ADGRB3: variants seen among roughly 807,000 people sequenced by gnomAD.
ADGRB3 encodes adhesion G protein-coupled receptor B3, also known as brain-specific angiogenesis inhibitor 3.
ADGRB3 carries 37 observed loss-of-function variants against 193.4 expected under a neutral mutation model. The ratio of observed to expected loss-of-function variants is 0.19; its 90% CI spans 0.15 to 0.25. The LOEUF (loss-of-function observed/expected upper bound fraction) is 0.25. ADGRB3 is among the 10% of genes least tolerant of loss of function. The pLI is 1.00. For synonymous variants in ADGRB3, 690 were observed against 644.2 expected, an observed-to-expected ratio of 1.07 and a Z score of -1.08; for missense variants, 1,637 against 1,852.9, an observed-to-expected ratio of 0.88 and a Z score of 2.14.
At chr6:69,296,845 A>G (rs1561980207) in intron 20 of ADGRB3, among the ~76,000 whole-genome samples, 1 of 152,122 alleles carries the variant, frequency 6.6e-6, no homozygotes, top group Non-Finnish European at 1.5e-5. Context: ...ATCTCATGAC[A>G]TATCTCATTC....
At chr6:69,139,242 A>C in intron 17 of ADGRB3, among the ~76,000 whole-genome samples, 1 of 152,170 alleles carries the variant, frequency 6.6e-6, no homozygotes, top group Admixed American at 6.5e-5. Flanking sequence ...CCTGCTTTCA[A>C]TGTTCATCTA....
At chr6:69,036,125 A>G (rs1770864408) in intron 13 of ADGRB3, among the ~76,000 whole-genome samples, 1 of 152,160 alleles carries the variant, frequency 6.6e-6, no homozygotes, top group Non-Finnish European at 1.5e-5. Context: ...CTACATTGTA[A>G]TCTCTTTAAA....
At chr6:68,655,742 A>G (rs1243293842) in intron 3 of ADGRB3, among the ~76,000 whole-genome samples, 1 of 151,624 alleles carries the variant, frequency 6.6e-6, no homozygotes, top group Non-Finnish European at 1.5e-5. Flanking sequence ...AAAATGGACT[A>G]ATCAGTTTTA....
At chr6:68,787,137 C>A (rs1766992192) in intron 3 of ADGRB3, among the ~76,000 whole-genome samples, 1 of 152,098 alleles carries the variant, frequency 6.6e-6, no homozygotes, top group Non-Finnish European at 1.5e-5. Flanking sequence ...TAATTGAATA[C>A]CCTTTATTTC....
At chr6:68,640,982 C>T (rs1365485201) in intron 3 of ADGRB3, among the ~76,000 whole-genome samples, 1 of 152,072 alleles carries the variant, frequency 6.6e-6, no homozygotes, top group Non-Finnish European at 1.5e-5. Flanking sequence ...AGTAAAAAAT[C>T]CCAGAGAAGC....
At chr6:69,085,199 A>G (rs549244487) in intron 17 of ADGRB3, among the ~76,000 whole-genome samples, 1 of 152,150 alleles carries the variant, frequency 6.6e-6, no homozygotes, top group African/African-American at 2.4e-5. Flanking sequence ...ATTTCTCCTT[A>G]TTCTCAGAAA....
intron 17 of ADGRB3, among the ~76,000 whole-genome samples, chr6:69,106,559 A>G (rs10485427): frequency 0.2 from 30,129 of 152,188 alleles, 3,273 homozygotes; most frequent in Middle Eastern, 0.33. Flanking sequence ...TCCTCAACCA[A>G]CTTATTTCAA....
chr6:69,096,540 A>T (rs1431680126), intron 17 of ADGRB3, among the ~76,000 whole-genome samples: 2 of 152,006 alleles, frequency 1.3e-5, no homozygotes, highest in African/African-American at 4.8e-5. Context: ...CCATTGTCCT[A>T]TTTTTAAAAG....
chr6:69,232,583 C>T (rs1268264081), intron 17 of ADGRB3: 4 of 1,535,638 alleles, frequency 2.6e-6, no homozygotes, highest in Non-Finnish European at 3.5e-6. Context: ...ATGTCAAGGA[C>T]GTCAGAGGCG....
chr6:68,776,646 A>G (rs1766753463), intron 3 of ADGRB3, among the ~76,000 whole-genome samples: 1 of 152,138 alleles, frequency 6.6e-6, no homozygotes. Context: ...TTCTGCCAAC[A>G]TCACTCTCAG....
chr6:69,249,771 A>T (rs945043394), intron 20 of ADGRB3, among the ~76,000 whole-genome samples: 4 of 152,238 alleles, frequency 2.6e-5, no homozygotes, highest in African/African-American at 9.6e-5. Flanking sequence ...AATAAAAAAA[A>T]ATAAGCAGAT....
In ADGRB3 at chr6:69,261,490, A is replaced by G. The variant is rs995956872; in HGVS notation, c.2814+22264A>G. 1.4e-4 allele frequency among the ~76,000 whole-genome samples: 21 copies of G among 152,094 alleles called. 1 individual carries two copies. The highest frequency in any genetic ancestry group is 1.2e-3 in the Admixed American group (19 of 15,270). ...TATATAAATATACTAATTTCTGTATATTTAATTTCATCTATTTGAAAATTG... is the reference window on the plus strand; with the variant it reads ...TATATAAATATACTAATTTCTGTATGTTTAATTTCATCTATTTGAAAATTG... On this transcript the variant is annotated intron_variant, in intron 20 of 31. Coordinates refer to ENST00000370598, the MANE Select transcript of ADGRB3 (RefSeq NM_001704.3).
At chr6:69,155,657 C>T (rs1376818092) in intron 17 of ADGRB3, among the ~76,000 whole-genome samples, 2 of 152,148 alleles carry the variant, frequency 1.3e-5, no homozygotes, top group Non-Finnish European at 2.9e-5. Context: ...CTACTGCTGC[C>T]ATCTAATGTT....
At chr6:69,232,328 TC>T in intron 17 of ADGRB3, 2 of 1,136,658 alleles carry the variant, frequency 1.8e-6, no homozygotes, top group South Asian at 4.3e-5. Context: ...GTGGAAGGGT[TC>T]TCCCCCATCC....
chr6:69,200,472 A>AGG (rs902789795), intron 17 of ADGRB3, among the ~76,000 whole-genome samples: 13 of 152,252 alleles, frequency 8.5e-5, no homozygotes, highest in African/African-American at 3.1e-4. Flanking sequence ...AAAGGAGCAA[A>AGG]GGCCTGAGAA....
At position 68,646,489 on chromosome 6, in the gene ADGRB3, AAAAAG is replaced by A. The variant is rs1456040417; in HGVS notation, c.757+7062_757+7066del. Among the ~76,000 whole-genome samples the A allele has an allele frequency of 6.0e-5, 9 of 151,150 alleles. 1 individual carries two copies. The highest frequency in any genetic ancestry group is 1.3e-4 in the Admixed American group (2 of 15,152). ...CGAAACTCTGTCAAAAAAAAAAAAA[AAAAAG>A]AAAAAAGAAAAAAAGATGGACTTCC... On this transcript the variant is annotated intron_variant, in intron 3 of 31. Transcript: ENST00000370598.
At chr6:68,982,739 G>GA (rs1562110069) in intron 10 of ADGRB3, among the ~76,000 whole-genome samples, 1 of 151,744 alleles carries the variant, frequency 6.6e-6, no homozygotes, top group African/African-American at 2.4e-5. Flanking sequence ...TGTTTCACGA[G>GA]AAAAAAAATC....
intron 3 of ADGRB3, among the ~76,000 whole-genome samples, chr6:68,885,579 T>C (rs1249312524): frequency 6.6e-6 from 1 of 152,172 alleles, no homozygotes; most frequent in Non-Finnish European, 1.5e-5. Context: ...GAAGGACAAA[T>C]GCTGCATGAT....
At chr6:69,258,552 G>A (rs1439342542) in intron 20 of ADGRB3, among the ~76,000 whole-genome samples, 1 of 152,242 alleles carries the variant, frequency 6.6e-6, no homozygotes, top group Admixed American at 6.5e-5. Context: ...TATTTAAAAT[G>A]TTAGGGCTTA....
Sources: gnomAD v4.1 joint callset for allele counts (sites outside exome capture counted in the v4.1 genomes callset) on GRCh38, gnomAD v4.1.1 for gene constraint, MANE v1.5 for transcripts, NCBI Gene and HGNC (gene_info 2026-07-23, HGNC 2026-07-21) for gene names.